The following TMEM71 variants were observed in gnomAD, a reference collection of about 807,000 sequenced individuals.
TMEM71 encodes the protein transmembrane protein 71.
Under a neutral mutation model 38.0 loss-of-function variants are expected in TMEM71, and 44 were observed. The observed-to-expected ratio is 1.16, with a 90% CI of 0.91 to 1.49. The LOEUF (loss-of-function observed/expected upper bound fraction) is 1.49. Among genes scored for constraint, TMEM71 ranks in the 40% most tolerant of loss-of-function variants. TMEM71 has a pLI of 0.00. For synonymous variants in TMEM71, 133 were observed against 122.5 expected (o/e 1.09, Z -0.56); for missense variants, 367 against 348.6 (o/e 1.05, Z -0.42).
intron 3 of TMEM71, among the ~76,000 whole-genome samples, 199 bp downstream of exon 3, chr8:132,757,035 C>T (rs1339731062): frequency 2.7e-5 from 4 of 148,182 alleles, no homozygotes; most frequent in Non-Finnish European, 5.9e-5. Flanking sequence ...TGCAGGGGCC[C>T]GCCACCACGC....
downstream of TMEM71, among the ~76,000 whole-genome samples, chr8:132,708,393 T>C (rs1826125629): frequency 6.6e-6 from 1 of 152,230 alleles, no homozygotes; most frequent in Non-Finnish European, 1.5e-5. Context: ...TGTCCTAAAG[T>C]CATTTTGCAC....
chr8:132,774,191 T>C, the TMEM71 span, among the ~76,000 whole-genome samples: 1 of 152,258 alleles, frequency 6.6e-6, no homozygotes, highest in African/African-American at 2.4e-5. Context: ...TGTCATGTCC[T>C]AAGGAAGATG....
rs754244610 is a variant in TMEM71, at chr8:132,727,931, A to T, written c.543T>A (p.Asn181Lys). 4 of 1,614,070 alleles carry T rather than the reference A, an allele frequency of 2.5e-6. No homozygotes were observed. In the East Asian group the frequency reaches 6.7e-5, roughly 27 times the overall value. The part of the protein sequence containing the change: ...LTDDWESGKM[N>K]AESVITSSSS... ...AAGAGGAGGTGATCACAGACTCTGC[A>T]TTCATCTTCCCTGACTCCCAGTCAT... The change falls in exon 6 of 10, where the codon AAT (asparagine) becomes AAA (lysine). Residue 181 changes from asparagine (N) to lysine (K), a missense_variant. By Grantham distance (94) the Asn-to-Lys change is moderately conservative. Coordinates refer to ENST00000677595, the MANE Select transcript of TMEM71 (RefSeq NM_001382403.1).
intron 5 of TMEM71, among the ~76,000 whole-genome samples, chr8:132,745,192 A>G (rs1344681546): frequency 6.6e-6 from 1 of 152,194 alleles, no homozygotes; most frequent in African/African-American, 2.4e-5. Flanking sequence ...TAATTAAACT[A>G]AAGAACTTCT....
intron 7 of TMEM71, among the ~76,000 whole-genome samples, chr8:132,717,738 C>A (rs554461463): frequency 4.5e-4 from 68 of 152,224 alleles, no homozygotes; most frequent in Middle Eastern, 6.8e-3. Flanking sequence ...AAACTCCATT[C>A]CTAGATATTT....
chr8:132,768,470 G>T, the TMEM71 span, among the ~76,000 whole-genome samples: 2 of 151,938 alleles, frequency 1.3e-5, no homozygotes, highest in Non-Finnish European at 2.9e-5. Flanking sequence ...GATATTTCCC[G>T]CAACTAGAAT....
Position 132,710,146 on chromosome 8 carries a change from T to A in TMEM71, c.*821A>T, listed in dbSNP as rs1255113483. ...TTGCTTTGTGAACACGCACCAAGTG[T>A]GGGGGGTGGAAAGGGAACATCTACA... On this transcript the variant is annotated 3_prime_UTR_variant, in exon 10 of 10. Coordinates refer to ENST00000677595, the MANE Select transcript of TMEM71 (RefSeq NM_001382403.1). The A allele has an allele frequency of 6.6e-6, 1 of 152,024 alleles. No individual in the cohort carries two copies. The highest frequency in any genetic ancestry group is 1.5e-5 in the Non-Finnish European group (1 of 68,020). The allele number at this position is 152,024 out of a possible 1,614,324, so 9.4% of individuals were successfully genotyped here.
At chr8:132,722,355 T>C (rs73708356) in intron 6 of TMEM71, among the ~76,000 whole-genome samples, 1,734 of 152,344 alleles carry the variant, frequency 0.011, 39 homozygotes, top group African/African-American at 0.04. Flanking sequence ...AATAAAAGAC[T>C]ATGCTATTTT....
At chr8:132,721,474 C>T (rs1826840834) in intron 7 of TMEM71, among the ~76,000 whole-genome samples, 2 of 151,752 alleles carry the variant, frequency 1.3e-5, no homozygotes, top group African/African-American at 4.8e-5. Flanking sequence ...AAGCAATCCA[C>T]TGTAAAATAC....
chr8:132,720,253 T>G (rs186791489), intron 7 of TMEM71, among the ~76,000 whole-genome samples: 1 of 152,288 alleles, frequency 6.6e-6, no homozygotes, highest in Non-Finnish European at 1.5e-5. Flanking sequence ...GGAAGAAGTT[T>G]CTAAATGCAG....
chr8:132,745,011 A>G (rs1242665830), intron 5 of TMEM71, among the ~76,000 whole-genome samples: 1 of 152,216 alleles, frequency 6.6e-6, no homozygotes, highest in Non-Finnish European at 1.5e-5. Flanking sequence ...CACCATATAC[A>G]AAAATTAACT....
At chr8:132,725,719 T>G (rs1268258399) in intron 6 of TMEM71, among the ~76,000 whole-genome samples, 2 of 152,130 alleles carry the variant, frequency 1.3e-5, no homozygotes, top group Non-Finnish European at 2.9e-5. Flanking sequence ...TAGTGATATA[T>G]AGAGTGCTAG....
the TMEM71 span, among the ~76,000 whole-genome samples, chr8:132,768,866 A>G: frequency 6.6e-6 from 1 of 152,292 alleles, no homozygotes; most frequent in Admixed American, 6.5e-5. Context: ...GGTCCTGGCC[A>G]AGAGGCCAGA....
upstream of TMEM71, among the ~76,000 whole-genome samples, chr8:132,763,496 C>T (rs1359669275): frequency 6.6e-6 from 1 of 152,162 alleles, no homozygotes; most frequent in Non-Finnish European, 1.5e-5. Context: ...CAGTCCTCCA[C>T]TGTTAATGGA....
At chr8:132,724,388 C>G (rs1482115442) in intron 6 of TMEM71, among the ~76,000 whole-genome samples, 1 of 152,042 alleles carries the variant, frequency 6.6e-6, no homozygotes, top group Non-Finnish European at 1.5e-5. Context: ...AATTCTTTTC[C>G]TAGGGTCTTA....
At chr8:132,765,521 G>A (rs1451963509), upstream of TMEM71, among the ~76,000 whole-genome samples, 1 of 152,114 alleles carries the variant, frequency 6.6e-6, no homozygotes, top group African/African-American at 2.4e-5. Flanking sequence ...AGACAGATGC[G>A]TGTTCCAGAT....
intron 5 of TMEM71, among the ~76,000 whole-genome samples, chr8:132,737,773 TTCCTTTCTTACCGC>T (rs1827827018): frequency 6.6e-6 from 1 of 152,226 alleles, no homozygotes; most frequent in African/African-American, 2.4e-5. Context: ...ACCTCCTGAA[TTCCTTTCTTACCGC>T]TCCTTTCTTC....
chr8:132,743,903 C>A (rs1047159996), intron 5 of TMEM71, among the ~76,000 whole-genome samples: 2 of 152,208 alleles, frequency 1.3e-5, no homozygotes, highest in Non-Finnish European at 2.9e-5. Context: ...AATGTTCTTA[C>A]CTTTCCCCTT....
At chr8:132,729,011 C>T (rs912016393) in intron 5 of TMEM71, among the ~76,000 whole-genome samples, 4 of 152,232 alleles carry the variant, frequency 2.6e-5, no homozygotes, top group African/African-American at 9.6e-5. Flanking sequence ...CACCCATTTT[C>T]TCCTATGATG....
Sources: allele counts gnomAD v4.1 joint callset (sites outside exome capture counted in the v4.1 genomes callset), GRCh38; gene constraint gnomAD v4.1.1; transcripts MANE v1.5; gene names NCBI Gene and HGNC (gene_info 2026-07-23, HGNC 2026-07-21).